GPBP1: variants seen among roughly 807,000 people sequenced by gnomAD.
The protein encoded by GPBP1 is vasculin.
A neutral mutation model predicts 56.5 loss-of-function variants in GPBP1; 13 were observed. The observed-to-expected ratio is 0.23, with a 90% CI of 0.15 to 0.37. The LOEUF is 0.37. GPBP1 is among the 10% of genes least tolerant of loss of function. GPBP1 has a pLI of 1.00. For missense variants in GPBP1, 477 were observed against 572.3 expected (o/e 0.83, Z 1.70); for synonymous variants, 204 against 188.9 (o/e 1.08, Z -0.66).
intron 2 of GPBP1, among the ~76,000 whole-genome samples, chr5:57,194,626 T>G (rs1205416989): frequency 6.6e-6 from 1 of 152,154 alleles, no homozygotes; most frequent in African/African-American, 2.4e-5. Context: ...ATTCCTTCTA[T>G]TTTTGTACCA....
At chr5:57,181,828 A>G (rs1318685331) in intron 2 of GPBP1, among the ~76,000 whole-genome samples, 1 of 152,156 alleles carries the variant, frequency 6.6e-6, no homozygotes, top group African/African-American at 2.4e-5. Flanking sequence ...TGAAAAACAA[A>G]ATGTTAGTGG....
At chr5:57,224,888 A>G (rs1052354322) in intron 3 of GPBP1, among the ~76,000 whole-genome samples, 1 of 151,452 alleles carries the variant, frequency 6.6e-6, no homozygotes, top group African/African-American at 2.4e-5. Flanking sequence ...TCATGAAGAC[A>G]ATGACCATTT....
intron 3 of GPBP1, among the ~76,000 whole-genome samples, chr5:57,219,102 G>A (rs1009826501): frequency 1.3e-5 from 2 of 152,144 alleles, no homozygotes; most frequent in Admixed American, 6.5e-5. Flanking sequence ...GAGGCCGGGC[G>A]TGGTGACTCA....
chr5:57,211,560 G>A (rs1335971841), intron 2 of GPBP1, among the ~76,000 whole-genome samples: 1 of 114,288 alleles, frequency 8.7e-6, no homozygotes, highest in Non-Finnish European at 2.0e-5. Flanking sequence ...GATTTTAGTG[G>A]TTTGCCTCCG....
At chr5:57,231,799 C>A (rs1442671466) in intron 5 of GPBP1, among the ~76,000 whole-genome samples, 1 of 152,108 alleles carries the variant, frequency 6.6e-6, no homozygotes, top group Non-Finnish European at 1.5e-5. Context: ...GCAATACATA[C>A]TGGATTGAGA....
At chr5:57,243,727 G>T (rs1419728057) in intron 6 of GPBP1, among the ~76,000 whole-genome samples, 1 of 151,240 alleles carries the variant, frequency 6.6e-6, no homozygotes, top group East Asian at 1.9e-4. Context: ...CCACTCTGTG[G>T]CCCAGACTGG....
Position 57,246,405 on chromosome 5 carries a change from C to T in GPBP1, c.584C>T (p.Pro195Leu), listed in dbSNP as rs201600135. 1.4e-4 allele frequency: 224 copies of T among 1,613,886 alleles called. No individual in the cohort carries two copies. The highest frequency in any genetic ancestry group is 3.7e-4 in the Admixed American group (22 of 60,014). Residue 195 changes from proline to leucine, a missense_variant, in exon 7 of 12, where the codon CCG (proline) becomes CTG (leucine). Physicochemically the swap from Pro to Leu is moderately conservative, Grantham distance 98. This residue lies in a region of GPBP1 where 414 missense variants were observed against 458.2 expected (regional missense o/e 0.90). Transcript: ENST00000506184. Reference protein sequence around the residue: ...LSGFPVVGNLPSQPVKNGTGP... With the variant: ...LSGFPVVGNLLSQPVKNGTGP... ...GGATTCCCAGTAGTAGGAAATCTTC[C>T]GTCACAGCCAGTTAAGAATGGAACT...
At chr5:57,249,701 A>G (rs1365781874) in intron 9 of GPBP1, 125 bp downstream of exon 9, 2 of 722,762 alleles carry the variant, frequency 2.8e-6, no homozygotes, top group Non-Finnish European at 2.1e-6. Context: ...AGCCATTTGC[A>G]TAAATAATGA....
rs1284455023 is a variant in GPBP1 at position 57,190,075 on chromosome 5, C to A, written c.-58+13675C>A. Reference sequence around the variant, plus strand: ...ACATAAGCTCTTTGAGAGCAGGGACCTTGTCTCATTTGTTTACTGTTGTAG... The same window carrying A: ...ACATAAGCTCTTTGAGAGCAGGGACATTGTCTCATTTGTTTACTGTTGTAG... On this transcript the variant is annotated intron_variant, in intron 2 of 11. Coordinates refer to ENST00000506184, the MANE Select transcript of GPBP1 (RefSeq NM_022913.4). 2.0e-5 allele frequency among the ~76,000 whole-genome samples: 3 copies of A among 152,088 alleles called. No homozygotes were observed. The South Asian group carries it at 6.2e-4, about 32-fold the overall frequency.
chr5:57,195,709 C>G (rs913518919), intron 2 of GPBP1, among the ~76,000 whole-genome samples: 1 of 151,942 alleles, frequency 6.6e-6, no homozygotes, highest in African/African-American at 2.4e-5. Flanking sequence ...TATTAAAATA[C>G]GTTTTTCGGC....
chr5:57,203,606 C>T (rs1465228189), intron 2 of GPBP1, among the ~76,000 whole-genome samples: 1 of 152,154 alleles, frequency 6.6e-6, no homozygotes, highest in African/African-American at 2.4e-5. Context: ...GATTGTACCA[C>T]TGTACTTCCA....
At chr5:57,247,305 T>G (rs1460252021) in intron 8 of GPBP1, 90 bp downstream of exon 8, 2 of 1,034,472 alleles carry the variant, frequency 1.9e-6, no homozygotes, top group Non-Finnish European at 2.7e-6. Context: ...ATTAAATGAA[T>G]ACATTAAAAT....
At chr5:57,221,102 A>C (rs575765228) in intron 3 of GPBP1, among the ~76,000 whole-genome samples, 1 of 152,320 alleles carries the variant, frequency 6.6e-6, no homozygotes, top group Non-Finnish European at 1.5e-5. Context: ...GTATGGCAGT[A>C]GTTTTGAGAT....
chr5:57,216,677 C>T (rs1755711674), intron 3 of GPBP1, among the ~76,000 whole-genome samples: 1 of 152,058 alleles, frequency 6.6e-6, no homozygotes, highest in Non-Finnish European at 1.5e-5. Flanking sequence ...AGGAGTGAGA[C>T]TCTGTCTCAA....
intron 3 of GPBP1, among the ~76,000 whole-genome samples, chr5:57,223,936 C>G (rs1332333890): frequency 6.6e-6 from 1 of 151,720 alleles, no homozygotes; most frequent in East Asian, 1.9e-4. Context: ...TGGGTTCATG[C>G]CATTCTCCTG....
At position 57,251,038 on chromosome 5, in the gene GPBP1, C is replaced by T; in HGVS notation, c.1057C>T (p.Pro353Ser). Reference protein sequence around the residue: ...INRNFDENEIPQENGNASVIS... With the variant: ...INRNFDENEISQENGNASVIS... ...CCGAAACTTCGATGAAAATGAAATT[C>T]CTCAAGAGAATGGCAATGCCTCAGT... Residue 353 changes from proline to serine, a missense_variant, in exon 10 of 12, where the codon CCT becomes TCT. Pro to Ser is a moderately conservative substitution (Grantham distance 74). Coordinates refer to ENST00000506184, the MANE Select transcript of GPBP1 (RefSeq NM_022913.4). The T allele has an allele frequency of 3.7e-6, 6 of 1,612,846 alleles. No individual in the cohort carries two copies. The highest frequency in any genetic ancestry group is 5.1e-6 in the Non-Finnish European group (6 of 1,179,420).
At chr5:57,228,218 A>G (rs1004164804) in intron 3 of GPBP1, among the ~76,000 whole-genome samples, 1 of 152,170 alleles carries the variant, frequency 6.6e-6, no homozygotes, top group East Asian at 1.9e-4. Context: ...GCACTTTGAG[A>G]GCCCAAGGCG....
At chr5:57,237,758 G>A (rs1740604956) in intron 6 of GPBP1, among the ~76,000 whole-genome samples, 1 of 151,926 alleles carries the variant, frequency 6.6e-6, no homozygotes, top group South Asian at 2.1e-4. Flanking sequence ...AGGAAGACGA[G>A]AATTTTAGGA....
intron 3 of GPBP1, among the ~76,000 whole-genome samples, chr5:57,227,040 G>A (rs1561354804): frequency 6.6e-6 from 1 of 151,220 alleles, no homozygotes. Flanking sequence ...TGCCCGGCCT[G>A]TATTCTTTTG....
Sources: allele counts gnomAD v4.1 joint callset (sites outside exome capture counted in the v4.1 genomes callset), GRCh38; gene constraint gnomAD v4.1.1; regional missense constraint gnomAD v4.1.1; transcripts MANE v1.5; gene names NCBI Gene and HGNC (gene_info 2026-07-23, HGNC 2026-07-21).